PAK2: variants seen among roughly 807,000 people sequenced by gnomAD.
The protein encoded by PAK2 is p21 (RAC1) activated kinase 2.
Under a neutral mutation model 65.9 loss-of-function variants are expected in PAK2, and 21 were observed. That is an observed-to-expected ratio of 0.32 (90% CI 0.23 to 0.46). PAK2 has a LOEUF of 0.46. PAK2 is among the 20% of genes least tolerant of loss of function. The pLI, the probability that PAK2 is intolerant of heterozygous loss-of-function variation, is 1.00. For missense variants in PAK2, 324 were observed against 642.6 expected, an observed-to-expected ratio of 0.50 and a Z score of 5.36; for synonymous variants, 204 against 219.7, an observed-to-expected ratio of 0.93 and a Z score of 0.63.
At chr3:196,740,893 T>A (rs1429023097) in intron 1 of PAK2, among the ~76,000 whole-genome samples, 1 of 150,524 alleles carries the variant, frequency 6.6e-6, no homozygotes, top group Non-Finnish European at 1.5e-5. Context: ...ACTCAACCTT[T>A]TAACTAATTC....
chr3:196,817,156 ATTTTTT>A (rs11314877), intron 11 of PAK2, among the ~76,000 whole-genome samples: 2 of 84,778 alleles, frequency 2.4e-5, no homozygotes, highest in African/African-American at 9.6e-5. Context: ...GAAAGAGGCA[ATTTTTT>A]TTTTTTTTTT....
intron 6 of PAK2, 145 bp from the exon 7 acceptor site, chr3:196,807,637 A>G (rs1715629217): frequency 1.9e-6 from 1 of 519,488 alleles, no homozygotes; most frequent in Non-Finnish European, 3.5e-6. Context: ...CATCTTTTAT[A>G]TCTGAAAATA....
At position 196,829,103 on chromosome 3, in the gene PAK2, T is replaced by C. The variant is rs922026991; in HGVS notation, c.*698T>C. 6.5e-6 allele frequency: 1 copy of C among 152,690 alleles called. No homozygotes were observed. Among genetic ancestry groups the C allele is most frequent in the African/African-American group, 2.4e-5 (1 of 41,458 alleles). 9.5% of individuals were successfully genotyped at this position (152,690 alleles called of 1,614,324 possible). A position where few individuals can be genotyped will look rare whatever the true frequency, so the allele number is the denominator to read the frequency against. On this transcript the variant is annotated 3_prime_UTR_variant, in exon 15 of 15. Coordinates refer to ENST00000327134, the MANE Select transcript of PAK2 (RefSeq NM_002577.4). Reference sequence around the variant, plus strand: ...TAGTAAGTTCGGCATTTGTTACATGTATAGAGAGAAGACTAATAATCTCTA... The same window carrying C: ...TAGTAAGTTCGGCATTTGTTACATGCATAGAGAGAAGACTAATAATCTCTA...
intron 5 of PAK2, 101 bp downstream of exon 5, chr3:196,805,484 C>A: frequency 1.6e-6 from 1 of 618,462 alleles, no homozygotes; most frequent in Non-Finnish European, 2.8e-6. Flanking sequence ...TTACAGCCAT[C>A]AGAGGTAAAT....
rs1318698630 is a variant in PAK2, at chr3:196,827,104, TTAAAG to T, written c.1351-91_1351-87del. 4 of 696,942 alleles carry T rather than the reference TTAAAG, an allele frequency of 5.7e-6. No individual in the cohort carries two copies. In the East Asian group the frequency reaches 8.5e-5, roughly 15 times the overall value. The allele number at this position is 696,942 out of a possible 1,614,324, so 43.2% of individuals were successfully genotyped here. On this transcript the variant is annotated intron_variant, in intron 13 of 14. Coordinates refer to ENST00000327134, the MANE Select transcript of PAK2 (RefSeq NM_002577.4). ...AGTTTAGTATTTATGGTGATTTTCT[TTAAAG>T]AAGAAAGAATCCCTTAGACTTTATG... is the stretch of plus-strand genomic sequence containing the variant.
chr3:196,749,992 T>TTC, intron 1 of PAK2, among the ~76,000 whole-genome samples: 1 of 151,050 alleles, frequency 6.6e-6, no homozygotes, highest in Non-Finnish European at 1.5e-5. Context: ...GCTATTTCTT[T>TTC]TTTTTTTTTT....
intron 2 of PAK2, among the ~76,000 whole-genome samples, chr3:196,792,816 T>TATAC (rs1390468886): frequency 2.6e-5 from 4 of 151,394 alleles, no homozygotes; most frequent in African/African-American, 9.7e-5. Context: ...TATATATATA[T>TATAC]ACACACACAC....
rs993450706 is a variant in PAK2 at position 196,807,222 on chromosome 3, C to T, written c.576+536C>T. Among the ~76,000 whole-genome samples, 4 of 152,020 alleles carry T rather than the reference C, an allele frequency of 2.6e-5. No homozygotes were observed. The East Asian group carries it at 5.8e-4, about 22-fold the overall frequency. ...CCTTCAGTACTGCAGGTAGAGTGTG[C>T]GGAAGGTGCTGTGCCGTGGAATGGG... is the stretch of plus-strand genomic sequence containing the variant. On this transcript the variant is annotated intron_variant, in intron 6 of 14. Coordinates refer to ENST00000327134, the MANE Select transcript of PAK2 (RefSeq NM_002577.4).
intron 11 of PAK2, among the ~76,000 whole-genome samples, chr3:196,816,592 A>T (rs1716034608): frequency 6.6e-6 from 1 of 152,064 alleles, no homozygotes; most frequent in South Asian, 2.1e-4. Flanking sequence ...TATTTTCTGG[A>T]GCTTTGAATC....
chr3:196,811,221 C>T lies in PAK2; in HGVS notation c.773+568C>T, dbSNP rs796116466. 3.4e-4 allele frequency among the ~76,000 whole-genome samples: 5 copies of T among 14,892 alleles called. 1 individual carries two copies. The highest frequency in any genetic ancestry group is 1.9e-3 in the African/African-American group (4 of 2,148). 9.8% of individuals were successfully genotyped at this position (14,892 alleles called of 152,430 possible). A position where few individuals can be genotyped will look rare whatever the true frequency, so the allele number is the denominator to read the frequency against. ...TTCCTCCCTTCCTTCCCTTCCCTCC[C>T]TCCCTTCCCTTCCCTTCCTTCCCTC... On this transcript the variant is annotated intron_variant, in intron 8 of 14. Coordinates refer to ENST00000327134, the MANE Select transcript of PAK2 (RefSeq NM_002577.4).
intron 1 of PAK2, among the ~76,000 whole-genome samples, chr3:196,743,252 A>C (rs1713266379): frequency 6.6e-6 from 1 of 152,194 alleles, no homozygotes; most frequent in Admixed American, 6.5e-5. Flanking sequence ...TCAGTGTTCC[A>C]GCCTACTATC....
intron 1 of PAK2, among the ~76,000 whole-genome samples, chr3:196,748,227 C>T (rs1426704532): frequency 6.6e-6 from 1 of 152,046 alleles, no homozygotes; most frequent in Non-Finnish European, 1.5e-5. Flanking sequence ...TACAGAGTTC[C>T]CATATACCCC....
Position 196,810,664 on chromosome 3 carries a change from G to A in PAK2, c.773+11G>A, listed in dbSNP as rs768761626. ...AAAAATTGGACAAGGGTAAGTATTT[G>A]TGACTGTATTACGATAATATTCAGT... On this transcript the variant is annotated intron_variant, in intron 8 of 14. Transcript: ENST00000327134. 1 of 1,283,694 alleles carries A rather than the reference G, an allele frequency of 7.8e-7. No homozygotes were observed. The highest frequency in any genetic ancestry group is 1.7e-5 in the Admixed American group (1 of 59,146). 79.5% of individuals were successfully genotyped at this position (1,283,694 alleles called of 1,614,324 possible). A position where few individuals can be genotyped will look rare whatever the true frequency, so the allele number is the denominator to read the frequency against.
intron 2 of PAK2, among the ~76,000 whole-genome samples, chr3:196,792,630 CAAAG>C (rs772155094): frequency 2.6e-5 from 4 of 152,024 alleles, no homozygotes; most frequent in African/African-American, 4.8e-5. Context: ...TCTTTGTAAA[CAAAG>C]AAGAGCATAC....
At chr3:196,812,367 G>A in intron 9 of PAK2, 100 bp downstream of exon 9, 1 of 779,978 alleles carries the variant, frequency 1.3e-6, no homozygotes, top group South Asian at 1.4e-5. Context: ...CTTTTAAGTT[G>A]AGCCCGTTGT....
chr3:196,762,233 G>A (rs1436609454), intron 1 of PAK2, among the ~76,000 whole-genome samples: 3 of 107,438 alleles, frequency 2.8e-5, no homozygotes, highest in Non-Finnish European at 6.5e-5. Context: ...AGGCAGAGGG[G>A]CTCCTCACAT....
intron 8 of PAK2, among the ~76,000 whole-genome samples, chr3:196,811,518 A>C (rs1330799383): frequency 1.4e-5 from 2 of 143,282 alleles, no homozygotes; most frequent in African/African-American, 5.3e-5. Context: ...AAGTGTTGGG[A>C]TTACAGGTGT....
chr3:196,741,935 T>C (rs1171481388), intron 1 of PAK2, among the ~76,000 whole-genome samples: 1 of 152,190 alleles, frequency 6.6e-6, no homozygotes, highest in African/African-American at 2.4e-5. Context: ...TATGGTTTAC[T>C]CTCATTCAGA....
In PAK2 at chr3:196,831,881, A is replaced by G. The variant is rs2108782090; in HGVS notation, c.*3476A>G. 6.6e-6 allele frequency: 1 copy of G among 152,322 alleles called. No individual in the cohort carries two copies. The highest frequency in any genetic ancestry group is 1.9e-4 in the East Asian group (1 of 5,192). 9.4% of individuals were successfully genotyped at this position (152,322 alleles called of 1,614,324 possible). ...TTGGGGTTTTTTATAGTGGAACTTC[A>G]TAGTAATACAAAAAGCAGATTGTCT... is the stretch of plus-strand genomic sequence containing the variant. On this transcript the variant is annotated 3_prime_UTR_variant, in exon 15 of 15. Coordinates refer to ENST00000327134, the MANE Select transcript of PAK2 (RefSeq NM_002577.4).
Sources: allele counts gnomAD v4.1 joint callset (sites outside exome capture counted in the v4.1 genomes callset), GRCh38; gene constraint gnomAD v4.1.1; transcripts MANE v1.5; gene names NCBI Gene and HGNC (gene_info 2026-07-23, HGNC 2026-07-21).